Variants in CD58 observed in about 807,000 individuals in gnomAD.
CD58 encodes the protein CD58 molecule, also known as lymphocyte function-associated antigen 3.
Under a neutral mutation model 27.6 loss-of-function variants are expected in CD58, and 14 were observed. The ratio of observed to expected loss-of-function variants is 0.51; its 90% confidence interval spans 0.34 to 0.79. CD58 has a LOEUF of 0.79. Among genes scored for constraint, CD58 ranks in the 30% least tolerant of loss-of-function variants. The pLI is 0.02. For synonymous variants in CD58, 117 were observed against 103.8 expected (o/e 1.13, Z -0.77); for missense variants, 268 against 301.7 (o/e 0.89, Z 0.83).
In CD58 at chr1:116,541,788, G is replaced by A. The variant is rs12141411; in HGVS notation, c.364+2523C>T. ...GAGCTCGGCGGGGTACTCTGGGCTA[G>A]AGCTCTAGATCTGTACATTATTAGC... On this transcript the variant is annotated intron_variant, in intron 2 of 5. Transcript: ENST00000369489. This position sits in a 1 kb window ranked among gnomAD's most constrained non-coding sequence, Gnocchi z 5.3. 0.15 allele frequency among the ~76,000 whole-genome samples: 23,358 copies of A among 152,102 alleles called. 2,544 individuals carry two copies. Among genetic ancestry groups the A allele is most frequent in the East Asian group, 0.56 (2,910 of 5,162 alleles).
rs1658822318 is a variant in CD58, at chr1:116,563,379, G to A, written c.70+7524C>T. ...GCTCTCGGTGGATCTACCATTCCGGGGTCTGGTGGATGATGGCCCTCTTCT... is the reference window on the plus strand; with the variant it reads ...GCTCTCGGTGGATCTACCATTCCGGAGTCTGGTGGATGATGGCCCTCTTCT... On this transcript the variant is annotated intron_variant, in intron 1 of 5. Coordinates refer to ENST00000369489, the MANE Select transcript of CD58 (RefSeq NM_001779.3). This position sits in a 1 kb window ranked among gnomAD's most constrained non-coding sequence, Gnocchi z 4.1. Among the ~76,000 whole-genome samples, 1 of 149,008 alleles carries A rather than the reference G, an allele frequency of 6.7e-6. No homozygotes were observed. The highest frequency in any genetic ancestry group is 1.5e-5 in the Non-Finnish European group (1 of 66,874).
chr1:116,537,813 T>C (rs189802240), intron 2 of CD58, among the ~76,000 whole-genome samples: 12 of 152,278 alleles, frequency 7.9e-5, no homozygotes, highest in African/African-American at 2.9e-4. Flanking sequence ...CAAAAACATA[T>C]GTAATATACA....
intron 1 of CD58, among the ~76,000 whole-genome samples, chr1:116,567,394 G>A (rs567967497): frequency 1.9e-3 from 294 of 151,960 alleles, no homozygotes; most frequent in African/African-American, 6.6e-3. Context: ...CCAACACTTC[G>A]GTAGGCCAAG....
intron 1 of CD58, among the ~76,000 whole-genome samples, chr1:116,553,803 A>T (rs1250230386): frequency 6.6e-6 from 1 of 152,136 alleles, no homozygotes; most frequent in East Asian, 1.9e-4. Context: ...GAGCGTATGA[A>T]GTGGGAAAAG....
In CD58 at chr1:116,515,183, C is replaced by T; in HGVS notation, c.744-361G>A. ...ACTTCCTTCTTTGCTACATGAAACT[C>T]CTGGGGATGGTTTTCTTCCTACCTC... On this transcript the variant is annotated intron_variant, in intron 5 of 5. Coordinates refer to ENST00000369489, the MANE Select transcript of CD58 (RefSeq NM_001779.3). This position sits in a 1 kb window ranked among gnomAD's most constrained non-coding sequence, Gnocchi z 4.6. Among the ~76,000 whole-genome samples, 1 of 152,184 alleles carries T rather than the reference C, an allele frequency of 6.6e-6. No homozygotes were observed. Among genetic ancestry groups the T allele is most frequent in the Non-Finnish European group, 1.5e-5 (1 of 68,030 alleles).
intron 2 of CD58, among the ~76,000 whole-genome samples, chr1:116,539,392 C>T (rs1355461230): frequency 6.6e-6 from 1 of 152,082 alleles, no homozygotes; most frequent in Non-Finnish European, 1.5e-5. Flanking sequence ...TCTTGTTCTA[C>T]TTACAGAGAA....
At chr1:116,537,642 A>G (rs559239787) in intron 2 of CD58, among the ~76,000 whole-genome samples, 1 of 152,332 alleles carries the variant, frequency 6.6e-6, no homozygotes, top group Admixed American at 6.5e-5. Context: ...ACCTACAAGG[A>G]TGAGTTAAGA....
intron 1 of CD58, among the ~76,000 whole-genome samples, chr1:116,549,158 G>A (rs990178363): frequency 3.9e-5 from 6 of 152,172 alleles, no homozygotes; most frequent in East Asian, 1.9e-4. Flanking sequence ...GACAGACACC[G>A]TCCCTTCCTT....
chr1:116,563,791 A>C lies in CD58; in HGVS notation c.70+7112T>G, dbSNP rs1658845602. Among the ~76,000 whole-genome samples, 2 of 152,058 alleles carry C rather than the reference A, an allele frequency of 1.3e-5. No individual in the cohort carries two copies. The highest frequency in any genetic ancestry group is 4.1e-4 in the South Asian group (2 of 4,830). On this transcript the variant is annotated intron_variant, in intron 1 of 5. Coordinates refer to ENST00000369489, the MANE Select transcript of CD58 (RefSeq NM_001779.3). The surrounding 1 kb of genome is among the most constrained non-coding windows in gnomAD (Gnocchi z 4.1). ...AGCCCATGAAACAATTTTTCCCTCC[A>C]AGGCCTCCAGGCCTGTGATAGGAGG...
chr1:116,519,178 C>A lies in CD58; in HGVS notation c.743+53G>T. The A allele has an allele frequency of 1.9e-6, 3 of 1,608,016 alleles. No homozygotes were observed. The highest frequency in any genetic ancestry group is 2.5e-6 in the Non-Finnish European group (3 of 1,176,656). ...TGGCTTCCCAAGTAATGGGCATCTA[C>A]AGCAGGGCTGCTGTTGTTCTGGCAC... is the stretch of plus-strand genomic sequence containing the variant. On this transcript the variant is annotated intron_variant, in intron 5 of 5. Transcript: ENST00000369489. The surrounding 1 kb of genome is among the most constrained non-coding windows in gnomAD (Gnocchi z 4.7).
intron 5 of CD58, among the ~76,000 whole-genome samples, chr1:116,518,300 G>T (rs975510959): frequency 6.6e-6 from 1 of 151,844 alleles, no homozygotes; most frequent in Non-Finnish European, 1.5e-5. Context: ...ATTCAGTTCT[G>T]CCACCATCAC....
Position 116,536,130 on chromosome 1 carries a change from T to C in CD58, c.463A>G (p.Ile155Val), listed in dbSNP as rs1416794233. The C allele has an allele frequency of 1.9e-6, 3 of 1,613,650 alleles. 1 individual carries two copies. Among genetic ancestry groups the C allele is most frequent in the Non-Finnish European group, 8.5e-7 (1 of 1,179,588 alleles). ...PEHYNSHRGL[I>V]MYSWDCPMEQ... ...ATAGGACAATCCCATGAGTACATTATAAGTCCTCGATGGCTGTTGTAATGC... is the reference window on the plus strand; with the variant it reads ...ATAGGACAATCCCATGAGTACATTACAAGTCCTCGATGGCTGTTGTAATGC... Residue 155 changes from isoleucine to valine, a missense_variant, in exon 3 of 6, where the codon ATA becomes GTA. Transcript: ENST00000369489. The surrounding 1 kb of genome is among the most constrained non-coding windows in gnomAD (Gnocchi z 5.4).
rs1658083721 is a variant in CD58 at position 116,544,332 on chromosome 1, T to G, written c.343A>C (p.Lys115Gln). ...MESPNITDTM[K>Q]FFLYVLESLP... The stretch of plus-strand genomic sequence containing the variant: ...TCACCAAGCACATAAAGAAAGAACT[T>G]CATGGTATCAGTAATATTTGGCGAT... Residue 115 changes from lysine (K) to glutamine (Q), a missense_variant, in exon 2 of 6, where the codon AAG becomes CAG. Coordinates refer to ENST00000369489, the MANE Select transcript of CD58 (RefSeq NM_001779.3). The G allele has an allele frequency of 1.9e-6, 3 of 1,604,626 alleles. No individual in the cohort carries two copies. The highest frequency in any genetic ancestry group is 2.5e-6 in the Non-Finnish European group (3 of 1,176,782).
At chr1:116,560,355 T>C (rs1208313091) in intron 1 of CD58, among the ~76,000 whole-genome samples, 2 of 152,134 alleles carry the variant, frequency 1.3e-5, no homozygotes. Context: ...CGGTTAAGGC[T>C]GTGAGTGTTT....
At chr1:116,520,507 C>CTT (rs55881110) in intron 4 of CD58, among the ~76,000 whole-genome samples, 2 of 135,682 alleles carry the variant, frequency 1.5e-5, no homozygotes, top group Non-Finnish European at 1.6e-5. Flanking sequence ...TATTGAATGA[C>CTT]TTTTTTTTTT....
rs989546178 is a variant in CD58, at chr1:116,546,948, C to A, written c.71-2344G>T. Among the ~76,000 whole-genome samples the A allele has an allele frequency of 7.9e-5, 12 of 152,096 alleles. No individual in the cohort carries two copies. Among genetic ancestry groups the A allele is most frequent in the Non-Finnish European group, 1.3e-4 (9 of 68,028 alleles). The stretch of plus-strand genomic sequence containing the variant: ...AATGAGGATGAAGACCTTTGATGAT[C>A]CACTTTCACTTAGTAAGTATATTTT... On this transcript the variant is annotated intron_variant, in intron 1 of 5. Transcript: ENST00000369489. This position sits in a 1 kb window ranked among gnomAD's most constrained non-coding sequence, Gnocchi z 4.1.
At chr1:116,545,244 C>T (rs1379963267) in intron 1 of CD58, among the ~76,000 whole-genome samples, 1 of 152,122 alleles carries the variant, frequency 6.6e-6, no homozygotes, top group Non-Finnish European at 1.5e-5. Context: ...GTAAGGAACG[C>T]TAAGGGTTTG....
Position 116,516,474 on chromosome 1 carries a change from T to C in CD58, c.744-1652A>G, listed in dbSNP as rs1657086131. 6.6e-6 allele frequency among the ~76,000 whole-genome samples: 1 copy of C among 152,192 alleles called. No homozygotes were observed. Among genetic ancestry groups the C allele is most frequent in the East Asian group, 1.9e-4 (1 of 5,198 alleles). On this transcript the variant is annotated intron_variant, in intron 5 of 5. Coordinates refer to ENST00000369489, the MANE Select transcript of CD58 (RefSeq NM_001779.3). This position sits in a 1 kb window ranked among gnomAD's most constrained non-coding sequence, Gnocchi z 6.1. ...CAAAATGTTCCTGCTCAAGAACCTA[T>C]AATGGCTGCTTATTTCCATATCACT...
At chr1:116,566,480 T>A (rs1658940539) in intron 1 of CD58, among the ~76,000 whole-genome samples, 1 of 152,176 alleles carries the variant, frequency 6.6e-6, no homozygotes, top group African/African-American at 2.4e-5. Context: ...GTGGGCACAC[T>A]TTGCACCCAG....
Sources: allele counts gnomAD v4.1 joint callset (sites outside exome capture counted in the v4.1 genomes callset), GRCh38; gene constraint gnomAD v4.1.1; non-coding constraint Gnocchi (gnomAD v3.1); transcripts MANE v1.5; gene names NCBI Gene and HGNC (gene_info 2026-07-23, HGNC 2026-07-21).